The following ZHX1 variants were observed in gnomAD, a reference collection of about 807,000 sequenced individuals.
The protein encoded by ZHX1 is zinc fingers and homeoboxes protein 1.
Under a neutral mutation model 61.8 loss-of-function variants are expected in ZHX1, and 20 were observed. That is an observed-to-expected ratio of 0.32 (90% confidence interval 0.23 to 0.47). ZHX1 has a LOEUF of 0.47. ZHX1 is among the 20% of genes least tolerant of loss of function. ZHX1 has a pLI of 1.00. For synonymous variants in ZHX1, 318 were observed against 352.6 expected, an observed-to-expected ratio of 0.90 and a Z score of 1.10; for missense variants, 800 against 1,034.8, an observed-to-expected ratio of 0.77 and a Z score of 3.11.
At position 123,256,004 on chromosome 8, in the gene ZHX1, T is replaced by C. The variant is rs1187765706; in HGVS notation, c.-58A>G. The C allele has an allele frequency of 6.9e-7, 1 of 1,455,216 alleles. No homozygotes were observed. The highest frequency in any genetic ancestry group is 1.4e-5 in the African/African-American group (1 of 70,630). The allele number at this position is 1,455,216 out of a possible 1,614,324, so 90.1% of individuals were successfully genotyped here. A position where few individuals can be genotyped will look rare whatever the true frequency, so the allele number is the denominator to read the frequency against. On this transcript the variant is annotated 5_prime_UTR_variant, in exon 3 of 4. Coordinates refer to ENST00000395571, the MANE Select transcript of ZHX1 (RefSeq NM_007222.5). The stretch of plus-strand genomic sequence containing the variant: ...TAAAAAGCATCGAGGCTTAAAACTG[T>C]TCAGTGTTCTTCATTTGAAAACAAT...
At chr8:123,273,914 G>A (rs1163542867) in intron 1 of ZHX1, 1 of 152,448 alleles carries the variant, frequency 6.6e-6, no homozygotes, top group Non-Finnish European at 1.5e-5. Flanking sequence ...AAGCTCTTTC[G>A]GTGGCGGAGA....
intron 3 of ZHX1, chr8:123,252,660 T>C (rs529007006): frequency 2.0e-5 from 3 of 152,340 alleles, no homozygotes; most frequent in South Asian, 4.1e-4. Flanking sequence ...TGAATTTATA[T>C]ATGGCCTAAA....
chr8:123,271,750 C>A (rs1336663425), intron 1 of ZHX1, among the ~76,000 whole-genome samples: 1 of 151,808 alleles, frequency 6.6e-6, no homozygotes, highest in Admixed American at 6.6e-5. Context: ...CTATTAATTT[C>A]GCTAATAACT....
At chr8:123,265,521 C>T (rs1057040928) in intron 2 of ZHX1, among the ~76,000 whole-genome samples, 1 of 151,580 alleles carries the variant, frequency 6.6e-6, no homozygotes, top group Non-Finnish European at 1.5e-5. Flanking sequence ...AAGGTATCCA[C>T]CGTGTTAAAA....
In ZHX1 at chr8:123,248,644, G is replaced by A. The variant is rs1392779099; in HGVS notation, c.*1680C>T. ...TACACAGAGTTAACATATTGCAAGG[G>A]AAACAACTATATTCAAAGGCTTCAT... is the stretch of plus-strand genomic sequence containing the variant. On this transcript the variant is annotated 3_prime_UTR_variant, in exon 4 of 4. Coordinates refer to ENST00000395571, the MANE Select transcript of ZHX1 (RefSeq NM_007222.5). 6.6e-6 allele frequency: 1 copy of A among 152,378 alleles called. No individual in the cohort carries two copies. The highest frequency in any genetic ancestry group is 1.5e-5 in the Non-Finnish European group (1 of 67,992). 9.4% of individuals were successfully genotyped at this position (152,378 alleles called of 1,614,324 possible).
intron 2 of ZHX1, chr8:123,263,073 A>T (rs1472442836): frequency 6.7e-6 from 1 of 149,258 alleles, no homozygotes; most frequent in Admixed American, 6.7e-5. Context: ...AGAAGGAAGG[A>T]AGGAAATATC....
In ZHX1 at chr8:123,253,420, C is replaced by T. The variant is rs953096730; in HGVS notation, c.2527G>A (p.Asp843Asn). ...TCTTCTTCATCCTCTTCCTGGTCAT[C>T]AATAACTTCATCTTCCTCCTCATTT... ...EENEEEDEVIDDQEEDEEETD... is the reference protein window; with the variant it reads ...EENEEEDEVINDQEEDEEETD... Residue 843 changes from aspartate (D) to asparagine (N), a missense_variant, in exon 3 of 4, where the codon GAT becomes AAT. Transcript: ENST00000395571. 13 of 1,614,034 alleles carry T rather than the reference C, an allele frequency of 8.1e-6. No homozygotes were observed. The highest frequency in any genetic ancestry group is 9.3e-6 in the Non-Finnish European group (11 of 1,179,984).
intron 2 of ZHX1, among the ~76,000 whole-genome samples, chr8:123,266,744 A>G (rs991608640): frequency 6.6e-6 from 1 of 152,192 alleles, no homozygotes; most frequent in Non-Finnish European, 1.5e-5. Context: ...CTACAAAAGG[A>G]TCAATATTCA....
intron 3 of ZHX1, chr8:123,253,078 G>C (rs1381156293): frequency 8.1e-6 from 3 of 370,140 alleles, no homozygotes; most frequent in African/African-American, 6.3e-5. Context: ...TCAAAACAAA[G>C]TAAAAAAAAC....
Position 123,255,908 on chromosome 8 carries a change from G to C in ZHX1, c.39C>G (p.Val13=), listed in dbSNP as rs1258011773. The C allele has an allele frequency of 6.2e-7, 1 of 1,612,740 alleles. No individual in the cohort carries two copies. Among genetic ancestry groups the C allele is most frequent in the South Asian group, 1.1e-5 (1 of 90,722 alleles). The stretch of plus-strand genomic sequence containing the variant: ...GGTCTGGATCTTGTTCACTGGCAAG[G>C]ACCATGCAAGGTGTTGTTGATTTTC... ...SRRKSTTPCM[V]LASEQDPDLE... Residue 13 remains valine, a synonymous_variant, in exon 3 of 4, where the codon GTC becomes GTG. Coordinates refer to ENST00000395571, the MANE Select transcript of ZHX1 (RefSeq NM_007222.5).
In ZHX1 at chr8:123,254,166, G is replaced by C; in HGVS notation, c.1781C>G (p.Thr594Arg). 6 of 1,614,072 alleles carry C rather than the reference G, an allele frequency of 3.7e-6. No individual in the cohort carries two copies. Among genetic ancestry groups the C allele is most frequent in the East Asian group, 2.2e-5 (1 of 44,888 alleles). ...CCTTAACCTATTTAATTCTTCATCT[G>C]TAAGTACAGAGCTGTTGAGAAAACT... is the stretch of plus-strand genomic sequence containing the variant. Reference protein sequence around the residue: ...QASFLNSSVLTDEELNRLRAQ... With the variant: ...QASFLNSSVLRDEELNRLRAQ... The change falls in exon 3 of 4, where the codon ACA (threonine) becomes AGA (arginine). Residue 594 changes from threonine to arginine, a missense_variant. Physicochemically the swap from Thr to Arg is moderately conservative, Grantham distance 71. Transcript: ENST00000395571. This position sits in a 1 kb window ranked among gnomAD's most constrained non-coding sequence, Gnocchi z 4.1.
intron 2 of ZHX1, among the ~76,000 whole-genome samples, chr8:123,266,248 T>G (rs1336649112): frequency 6.6e-6 from 1 of 152,194 alleles, no homozygotes; most frequent in Non-Finnish European, 1.5e-5. Context: ...TGTTAAGTCT[T>G]TTACAGCCAG....
intron 1 of ZHX1, among the ~76,000 whole-genome samples, chr8:123,271,937 G>A (rs982371480): frequency 6.6e-6 from 1 of 152,166 alleles, no homozygotes; most frequent in Admixed American, 6.5e-5. Flanking sequence ...TTATGTTTTC[G>A]GATTTAGCAT....
intron 1 of ZHX1, among the ~76,000 whole-genome samples, chr8:123,269,425 T>C (rs922699051): frequency 6.6e-6 from 1 of 152,332 alleles, no homozygotes; most frequent in Non-Finnish European, 1.5e-5. Flanking sequence ...CTTTAGAACA[T>C]TTCTATCTAA....
At chr8:123,268,340 A>G (rs1826534692) in intron 1 of ZHX1, among the ~76,000 whole-genome samples, 1 of 152,228 alleles carries the variant, frequency 6.6e-6, no homozygotes, top group Non-Finnish European at 1.5e-5. Context: ...AATAAACAGA[A>G]AATAATTCTC....
At chr8:123,265,241 T>C (rs969486674) in intron 2 of ZHX1, among the ~76,000 whole-genome samples, 2 of 150,702 alleles carry the variant, frequency 1.3e-5, no homozygotes, top group African/African-American at 4.9e-5. Context: ...TTAGGGATCA[T>C]GTTAATTTTG....
At chr8:123,273,298 G>A (rs1207822002) in intron 1 of ZHX1, among the ~76,000 whole-genome samples, 1 of 152,186 alleles carries the variant, frequency 6.6e-6, no homozygotes, top group Non-Finnish European at 1.5e-5. Flanking sequence ...TATAAGGAAA[G>A]GGGATCTGCC....
At chr8:123,274,909 C>G (rs114016579), upstream of ZHX1, among the ~76,000 whole-genome samples, 4,721 of 152,304 alleles carry the variant, frequency 0.031, 230 homozygotes, top group African/African-American at 0.11. Flanking sequence ...GGCCCCGCCC[C>G]TCGGGGGGCT....
Position 123,253,874 on chromosome 8 carries a change from G to A in ZHX1, c.2073C>T (p.Asp691=). 1 of 1,614,164 alleles carries A rather than the reference G, an allele frequency of 6.2e-7. No homozygotes were observed. Residue 691 remains aspartate, a synonymous_variant, in exon 3 of 4, where the codon GAC becomes GAT. Transcript: ENST00000395571. ...CAAGCCCGCTTTCTTTGGCCAACTTGTCATACTCTTCTGGTGATGGCCACT... is the reference window on the plus strand; with the variant it reads ...CAAGCCCGCTTTCTTTGGCCAACTTATCATACTCTTCTGGTGATGGCCACT... ...RTQWPSPEEY[D]KLAKESGLAR...
Sources: allele counts gnomAD v4.1 joint callset (sites outside exome capture counted in the v4.1 genomes callset), GRCh38; gene constraint gnomAD v4.1.1; non-coding constraint Gnocchi (gnomAD v3.1); transcripts MANE v1.5; gene names NCBI Gene and HGNC (gene_info 2026-07-23, HGNC 2026-07-21).